CX3CR1: variants seen among roughly 807,000 people sequenced by gnomAD.
The protein encoded by CX3CR1 is CX3C chemokine receptor 1.
For missense variants in CX3CR1, 363 were observed against 432.4 expected (o/e 0.84, Z 1.42); for synonymous variants, 168 against 178.5 (o/e 0.94, Z 0.47).
intron 1 of CX3CR1, among the ~76,000 whole-genome samples, chr3:39,277,548 C>T (rs1194167240): frequency 2.6e-5 from 4 of 152,194 alleles, no homozygotes; most frequent in Non-Finnish European, 4.4e-5. Flanking sequence ...TGGTTCCAAA[C>T]GTCTCTGGAC....
intron 1 of CX3CR1, among the ~76,000 whole-genome samples, chr3:39,271,901 G>A (rs2125552876): frequency 1.3e-5 from 2 of 152,334 alleles, no homozygotes; most frequent in African/African-American, 4.8e-5. Flanking sequence ...TTTGGGAGCT[G>A]AGCCTAAGAT....
upstream of CX3CR1, among the ~76,000 whole-genome samples, chr3:39,284,099 C>T (rs1045511484): frequency 3.6e-4 from 55 of 151,468 alleles, no homozygotes; most frequent in African/African-American, 1.3e-3. Context: ...CTATGTACCC[C>T]GCCACACACA....
chr3:39,275,347 G>A (rs1457281829), intron 1 of CX3CR1, among the ~76,000 whole-genome samples: 1 of 152,184 alleles, frequency 6.6e-6, no homozygotes, highest in African/African-American at 2.4e-5. Context: ...GGGAAGGTAT[G>A]AGCCTAACTG....
upstream of CX3CR1, chr3:39,281,267 C>A (rs1361782645): frequency 3.7e-6 from 4 of 1,092,284 alleles, no homozygotes; most frequent in Non-Finnish European, 3.4e-6. Context: ...GGCCACAGGA[C>A]AAAAGCAGAG....
intron 1 of CX3CR1, among the ~76,000 whole-genome samples, chr3:39,269,914 C>T (rs1332964103): frequency 2.6e-5 from 4 of 152,234 alleles, no homozygotes; most frequent in South Asian, 2.1e-4. Context: ...TGAGTTCCCA[C>T]GTGACTCTGA....
At chr3:39,266,764 C>T in intron 1 of CX3CR1, 2 of 708,576 alleles carry the variant, frequency 2.8e-6, no homozygotes, top group Non-Finnish European at 2.6e-6. Flanking sequence ...CAGTAAATGG[C>T]TCTGTGAGCA....
At chr3:39,290,235 CAG>C in the CX3CR1 span, among the ~76,000 whole-genome samples, 4 of 152,204 alleles carry the variant, frequency 2.6e-5, no homozygotes, top group Non-Finnish European at 4.4e-5. Context: ...TGTCAAAAAA[CAG>C]GGGCAGTTCA....
chr3:39,273,690 G>A (rs1034366830), intron 1 of CX3CR1, among the ~76,000 whole-genome samples: 1 of 152,220 alleles, frequency 6.6e-6, no homozygotes. Flanking sequence ...CCAGGCTGGA[G>A]TGCAGTGGCA....
chr3:39,288,193 C>T, the CX3CR1 span, among the ~76,000 whole-genome samples: 900 of 152,286 alleles, frequency 5.9e-3, 13 homozygotes, highest in African/African-American at 0.021. Flanking sequence ...TCACTTGCCC[C>T]ATATACTGCT....
At chr3:39,289,912 C>G in the CX3CR1 span, among the ~76,000 whole-genome samples, 1 of 152,198 alleles carries the variant, frequency 6.6e-6, no homozygotes, top group Non-Finnish European at 1.5e-5. Context: ...AGACTTCCAG[C>G]TTCCAGAACT....
At chr3:39,287,262 C>T in the CX3CR1 span, 1 of 152,186 alleles carries the variant, frequency 6.6e-6, no homozygotes, top group Non-Finnish European at 1.5e-5. Flanking sequence ...AAATCACACT[C>T]ACAGTTTTAT....
chr3:39,285,479 T>C (rs574395818), upstream of CX3CR1, among the ~76,000 whole-genome samples: 1 of 152,342 alleles, frequency 6.6e-6, no homozygotes, highest in Non-Finnish European at 1.5e-5. Flanking sequence ...ACATTTAACA[T>C]CATCTGTGGC....
chr3:39,292,798 G>A, the CX3CR1 span, among the ~76,000 whole-genome samples: 1 of 152,278 alleles, frequency 6.6e-6, no homozygotes, highest in Middle Eastern at 3.4e-3. Context: ...TTACCACACT[G>A]TACTTAACAA....
chr3:39,285,827 T>C (rs929938195), upstream of CX3CR1, among the ~76,000 whole-genome samples: 1 of 152,240 alleles, frequency 6.6e-6, no homozygotes, highest in Non-Finnish European at 1.5e-5. Flanking sequence ...CCCTTTGAAA[T>C]ACACAGGTAA....
At chr3:39,281,144 G>A, upstream of CX3CR1, 1 of 1,011,086 alleles carries the variant, frequency 9.9e-7, no homozygotes, top group Non-Finnish European at 1.2e-6. Context: ...GGGGGCTGCA[G>A]TGCAGTGCTG....
At chr3:39,272,026 C>T (rs1324821910) in intron 1 of CX3CR1, among the ~76,000 whole-genome samples, 1 of 152,166 alleles carries the variant, frequency 6.6e-6, no homozygotes, top group Non-Finnish European at 1.5e-5. Flanking sequence ...CCATGGCTTT[C>T]CTTTGTCCCT....
At chr3:39,285,179 G>A (rs867968757), upstream of CX3CR1, among the ~76,000 whole-genome samples, 1 of 145,258 alleles carries the variant, frequency 6.9e-6, no homozygotes, top group African/African-American at 2.6e-5. Context: ...TTCGAGACCA[G>A]CCTGGGCAAC....
the CX3CR1 span, among the ~76,000 whole-genome samples, chr3:39,292,611 G>GTTT: frequency 4.6e-5 from 7 of 152,292 alleles, no homozygotes; most frequent in South Asian, 1.2e-3. Context: ...CATGTGCCAG[G>GTTT]ACCTGTGCTA....
upstream of CX3CR1, among the ~76,000 whole-genome samples, chr3:39,284,940 G>A (rs1038425210): frequency 2.6e-5 from 4 of 152,206 alleles, no homozygotes; most frequent in African/African-American, 9.7e-5. Context: ...AGCATCCAAA[G>A]GCTGTGTTGC....
Sources: gnomAD v4.1 joint callset for allele counts (sites outside exome capture counted in the v4.1 genomes callset) on GRCh38, gnomAD v4.1.1 for gene constraint, MANE v1.5 for transcripts, NCBI Gene and HGNC (gene_info 2026-07-23, HGNC 2026-07-21) for gene names.